Variants in NHS observed in about 807,000 individuals in gnomAD.
The protein encoded by NHS is actin remodeling regulator NHS.
In NHS, 5 loss-of-function variants were observed where a neutral mutation model predicts 72.5. The ratio of observed to expected loss-of-function variants is 0.07; its 90% CI spans 0.04 to 0.14. The LOEUF is 0.14. Ranked by LOEUF, NHS falls within the 10% of genes least tolerant of loss-of-function variation. The pLI is 1.00. For missense variants in NHS, 1,072 were observed against 1,355.7 expected (o/e 0.79, Z 3.29); for synonymous variants, 464 against 547.7 (o/e 0.85, Z 2.13).
At chrX:17,537,100 A>G (rs1408730321) in intron 1 of NHS, among the ~76,000 whole-genome samples, 1 of 112,419 alleles carries the variant, frequency 8.9e-6, no homozygotes, top group Non-Finnish European at 1.9e-5. Context: ...ACAAAGACCA[A>G]TTTACAAAAA....
rs2064339272 is a variant in NHS at position 17,375,235 on chromosome X, A to G, written c.-523A>G. The stretch of plus-strand genomic sequence containing the variant: ...TCCGAAACCTCCTCCCCGCCCAGCC[A>G]GGGAGAGAGATCCCGGGCGCAATCG... On this transcript the variant is annotated 5_prime_UTR_variant, in exon 1 of 9. Coordinates refer to ENST00000676302, the MANE Select transcript of NHS (RefSeq NM_001291867.2). Among the ~76,000 whole-genome samples the G allele has an allele frequency of 9.0e-6, 1 of 111,520 alleles. No homozygotes were observed. Among genetic ancestry groups the G allele is most frequent in the African/African-American group, 3.3e-5 (1 of 30,668 alleles).
Position 17,732,451 on chromosome X carries a change from A to G in NHS, c.4943A>G (p.Gln1648Arg). The change falls in exon 9 of 9, where the codon CAG (glutamine) becomes CGG (arginine). Residue 1648 changes from glutamine (Q) to arginine (R), a missense_variant. Coordinates refer to ENST00000676302, the MANE Select transcript of NHS (RefSeq NM_001291867.2). ...DGSPHDDRSS[Q>R]SST ...AGCCCACATGACGACCGTTCCTCCC[A>G]GAGTTCAACATAGACTGCCTGTACC... 2 of 1,212,518 alleles carry G rather than the reference A, an allele frequency of 1.6e-6. No individual in the cohort carries two copies. The highest frequency in any genetic ancestry group is 2.2e-5 in the Admixed American group (1 of 46,154).
rs57852279 is a variant in NHS at position 17,592,010 on chromosome X, A to ATGTG, written c.566-95708_566-95705dup. Reference sequence around the variant, plus strand: ...GCATCTGAGATGGAGTGGTCCACTGATGTGTGTGTGTGTGTGTGTGTGTGT... The same window carrying ATGTG: ...GCATCTGAGATGGAGTGGTCCACTGATGTGTGTGTGTGTGTGTGTGTGTGTGTGT... On this transcript the variant is annotated intron_variant, in intron 1 of 8. Coordinates refer to ENST00000676302, the MANE Select transcript of NHS (RefSeq NM_001291867.2). 6.0e-3 allele frequency among the ~76,000 whole-genome samples: 625 copies of ATGTG among 104,768 alleles called. 6 individuals are homozygous for ATGTG. Among genetic ancestry groups the ATGTG allele is most frequent in the African/African-American group, 0.021 (592 of 28,752 alleles). The allele number at this position is 104,768 out of a possible 115,157, so 91.0% of individuals were successfully genotyped here. A position where few individuals can be genotyped will look rare whatever the true frequency, so the allele number is the denominator to read the frequency against.
intron 1 of NHS, among the ~76,000 whole-genome samples, chrX:17,646,161 CA>C (rs2065905036): frequency 9.0e-6 from 1 of 111,577 alleles, no homozygotes; most frequent in Admixed American, 9.5e-5. Context: ...AGGCTGGTCT[CA>C]AACTTCTGGC....
In NHS at chrX:17,726,269, T is replaced by C; in HGVS notation, c.2163T>C (p.Ser721=). The C allele has an allele frequency of 1.2e-5, 15 of 1,211,707 alleles. No homozygotes were observed. Among genetic ancestry groups the C allele is most frequent in the Non-Finnish European group, 1.7e-5 (15 of 895,502 alleles). Residue 721 remains serine (S), a synonymous_variant, in exon 7 of 9, where the codon AGT becomes AGC. Transcript: ENST00000676302. ...CCAACAACAGCAACACAAGTGACAG[T>C]GAGTGGAATTACCTACACCACCACC... ...DDPNNSNTSD[S]EWNYLHHHHD...
chrX:17,635,485 A>G (rs1186850797), intron 1 of NHS: 5 of 1,166,017 alleles, frequency 4.3e-6, no homozygotes, highest in Non-Finnish European at 5.7e-6. Context: ...TAAGCAGATC[A>G]GCTTTCAGCT....
chrX:17,445,011 G>A (rs1275347113), intron 1 of NHS, among the ~76,000 whole-genome samples: 1 of 111,518 alleles, frequency 9.0e-6, no homozygotes, highest in East Asian at 2.8e-4. Flanking sequence ...AGTGAGCACT[G>A]AAATGTGGGG....
chrX:17,563,112 G>A (rs749261439), intron 1 of NHS, among the ~76,000 whole-genome samples: 2 of 112,333 alleles, frequency 1.8e-5, no homozygotes, highest in South Asian at 7.3e-4. Flanking sequence ...AATGGCTAGG[G>A]ATTTCATGTC....
chrX:17,601,413 G>T (rs1195890335), intron 1 of NHS, among the ~76,000 whole-genome samples: 2 of 111,701 alleles, frequency 1.8e-5, no homozygotes, highest in Non-Finnish European at 3.8e-5. Context: ...GCCAGAAAAA[G>T]AACATTATTT....
At chrX:17,636,424 C>T (rs920877141) in intron 1 of NHS, among the ~76,000 whole-genome samples, 3 of 112,378 alleles carry the variant, frequency 2.7e-5, no homozygotes, top group African/African-American at 9.7e-5. Context: ...GTTATTAGTC[C>T]TTCAGTTGTA....
intron 1 of NHS, among the ~76,000 whole-genome samples, chrX:17,457,507 C>A (rs1169278330): frequency 5.4e-5 from 6 of 111,329 alleles, no homozygotes; most frequent in African/African-American, 1.6e-4. Flanking sequence ...TCCTGGGCAC[C>A]AAAGCATGCA....
At chrX:17,458,142 T>C (rs903839430) in intron 1 of NHS, among the ~76,000 whole-genome samples, 2 of 111,854 alleles carry the variant, frequency 1.8e-5, no homozygotes, top group South Asian at 3.8e-4. Flanking sequence ...GCTGTCTGGG[T>C]CTCTCCTAAG....
chrX:17,683,806 G>C (rs1372840647), intron 1 of NHS, among the ~76,000 whole-genome samples: 1 of 111,723 alleles, frequency 9.0e-6, no homozygotes, highest in African/African-American at 3.3e-5. Flanking sequence ...CCCTTTCTTG[G>C]GGAGCAGTAA....
chrX:17,495,211 A>G (rs2146920231), intron 1 of NHS, among the ~76,000 whole-genome samples: 1 of 112,016 alleles, frequency 8.9e-6, no homozygotes, highest in South Asian at 3.7e-4. Context: ...GCTTGTCCCA[A>G]CAGAACTTAG....
At chrX:17,520,964 A>T (rs2065145369) in intron 1 of NHS, among the ~76,000 whole-genome samples, 1 of 111,604 alleles carries the variant, frequency 9.0e-6, no homozygotes, top group Admixed American at 9.5e-5. Context: ...ACTGAGTCAG[A>T]ATCTGCATTT....
chrX:17,698,615 A>G (rs1163270387), intron 3 of NHS, among the ~76,000 whole-genome samples: 2 of 112,164 alleles, frequency 1.8e-5, no homozygotes, highest in Non-Finnish European at 3.8e-5. Context: ...AGCAAGTATA[A>G]CATTGACACC....
chrX:17,723,086 G>A (rs1366025070), intron 5 of NHS, among the ~76,000 whole-genome samples: 2 of 111,835 alleles, frequency 1.8e-5, no homozygotes, highest in African/African-American at 6.5e-5. Context: ...TTAATTTTGG[G>A]TTGGAACTAA....
chrX:17,421,611 C>T lies in NHS; in HGVS notation c.565+45289C>T, dbSNP rs1313973065. 2.7e-5 allele frequency among the ~76,000 whole-genome samples: 3 copies of T among 110,694 alleles called. No homozygotes were observed. In the East Asian group the frequency reaches 8.5e-4, roughly 31 times the overall value. On this transcript the variant is annotated intron_variant, in intron 1 of 8. Transcript: ENST00000676302. ...TTTATTTTTGAGACAGAGTCTTGCT[C>T]TGTCGCCCATGCTGGAGTGCAGTGG...
At chrX:17,695,761 A>G (rs1260217546) in intron 3 of NHS, among the ~76,000 whole-genome samples, 1 of 111,488 alleles carries the variant, frequency 9.0e-6, no homozygotes, top group Non-Finnish European at 1.9e-5. Context: ...ATTTGTACCA[A>G]AAGTTCTCCA....
Sources: gnomAD v4.1 joint callset for allele counts (sites outside exome capture counted in the v4.1 genomes callset) on GRCh38, gnomAD v4.1.1 for gene constraint, MANE v1.5 for transcripts, NCBI Gene and HGNC (gene_info 2026-07-23, HGNC 2026-07-21) for gene names.